SERINC3: variants seen among roughly 807,000 people sequenced by gnomAD.
SERINC3 encodes the protein serine incorporator 3.
Under a neutral mutation model 52.1 loss-of-function variants are expected in SERINC3, and 22 were observed. The ratio of observed to expected loss-of-function variants is 0.42; its 90% confidence interval spans 0.30 to 0.60. The LOEUF (loss-of-function observed/expected upper bound fraction) is 0.60. Ranked by LOEUF, SERINC3 falls within the 20% of genes least tolerant of loss-of-function variation. SERINC3 has a pLI of 0.16. For missense variants in SERINC3, 564 were observed against 584.6 expected, an observed-to-expected ratio of 0.96 and a Z score of 0.36; for synonymous variants, 226 against 212.7, an observed-to-expected ratio of 1.06 and a Z score of -0.54.
At chr20:44,506,280 T>TC (rs1354039935) in intron 6 of SERINC3, among the ~76,000 whole-genome samples, 2 of 80,012 alleles carry the variant, frequency 2.5e-5, no homozygotes, top group East Asian at 7.5e-4. Flanking sequence ...AGACTTTGTC[T>TC]CAAAAAAAAA....
At chr20:44,503,503 C>G (rs189916565) in intron 8 of SERINC3, among the ~76,000 whole-genome samples, 317 of 152,220 alleles carry the variant, frequency 2.1e-3, no homozygotes, top group Non-Finnish European at 4.0e-3. Flanking sequence ...CAAAAATTAG[C>G]CAGGCATAGT....
chr20:44,508,928 C>G (rs1292529858), intron 5 of SERINC3, among the ~76,000 whole-genome samples: 1 of 152,134 alleles, frequency 6.6e-6, no homozygotes, highest in Non-Finnish European at 1.5e-5. Flanking sequence ...TTATGGTAAA[C>G]ATAGTATTTT....
rs760368420 is a variant in SERINC3 at position 44,500,301 on chromosome 20, T to A, written c.1417A>T (p.Ser473Cys). The stretch of plus-strand genomic sequence containing the variant: ...TGTCCTTGGCACTCAGAGGTTCAGC[T>A]GAAGTCCCGACTGGTGAGGACAAGT... Reference protein sequence around the residue: ...APLVLTSRDFS With the variant: ...APLVLTSRDFC Residue 473 changes from serine to cysteine, a missense_variant, in exon 10 of 10, where the codon AGC (serine) becomes TGC (cysteine). Ser to Cys is a moderately radical substitution (Grantham distance 112). Coordinates refer to ENST00000342374, the MANE Select transcript of SERINC3 (RefSeq NM_006811.4). 2.2e-5 allele frequency: 36 copies of A among 1,611,776 alleles called. No individual in the cohort carries two copies. The highest frequency in any genetic ancestry group is 2.9e-5 in the Non-Finnish European group (34 of 1,179,112).
At chr20:44,509,586 T>C (rs1184855148) in intron 5 of SERINC3, among the ~76,000 whole-genome samples, 1 of 152,168 alleles carries the variant, frequency 6.6e-6, no homozygotes, top group Non-Finnish European at 1.5e-5. Flanking sequence ...TGCAGTACAG[T>C]GGCATGATGA....
At chr20:44,502,585 CA>C (rs1276917464) in intron 8 of SERINC3, among the ~76,000 whole-genome samples, 3,995 of 73,638 alleles carry the variant, frequency 0.054, 93 homozygotes, top group East Asian at 0.13. Flanking sequence ...TTCTTCTCTT[CA>C]AAAAAAAAAA....
rs1404895893 is a variant in SERINC3, at chr20:44,497,609, G to C, written c.*2687C>G. 2 of 152,346 alleles carry C rather than the reference G, an allele frequency of 1.3e-5. No homozygotes were observed. The highest frequency in any genetic ancestry group is 3.8e-4 in the East Asian group (2 of 5,202). The allele number at this position is 152,346 out of a possible 1,614,324, so 9.4% of individuals were successfully genotyped here. On this transcript the variant is annotated 3_prime_UTR_variant, in exon 10 of 10. Coordinates refer to ENST00000342374, the MANE Select transcript of SERINC3 (RefSeq NM_006811.4). ...GACTCCGCTACTGTAAAGAAAAGCA[G>C]GGTATCTGCTTCACACTGGCAAAAT... is the stretch of plus-strand genomic sequence containing the variant.
Position 44,511,334 on chromosome 20 carries a change from T to C in SERINC3, c.430A>G (p.Ile144Val). The change falls in exon 4 of 10, where the codon ATC (isoleucine) becomes GTC (valine). Residue 144 changes from isoleucine (I) to valine (V), a missense_variant. Ile to Val is a conservative substitution (Grantham distance 29, BLOSUM62 3). Coordinates refer to ENST00000342374, the MANE Select transcript of SERINC3 (RefSeq NM_006811.4). ...WFFKIAALIG[I>V]MVGSFYIPGG... Reference sequence around the variant, plus strand: ...GGGATGTAGAAAGAGCCAACCATGATTCCAATAAGGGCAGCAATTTTGAAG... The same window carrying C: ...GGGATGTAGAAAGAGCCAACCATGACTCCAATAAGGGCAGCAATTTTGAAG... The C allele has an allele frequency of 1.2e-6, 2 of 1,613,432 alleles. No homozygotes were observed. The highest frequency in any genetic ancestry group is 2.2e-5 in the South Asian group (2 of 91,070).
rs1426273051 is a variant in SERINC3 at position 44,514,014 on chromosome 20, T to C, written c.66A>G (p.Ser22=). ...TAGGACAGCAACTACACAGCAAACA[T>C]GAGGCACCGCTGCAGAGGCATGGAA... is the stretch of plus-strand genomic sequence containing the variant. ...SWVPCLCSGA[S]CLLCSCCPNS... is the part of the protein sequence containing the mutation. The change falls in exon 2 of 10, where the codon TCA becomes TCG. Residue 22 remains serine, a synonymous_variant. Coordinates refer to ENST00000342374, the MANE Select transcript of SERINC3 (RefSeq NM_006811.4). 5.0e-6 allele frequency: 8 copies of C among 1,614,004 alleles called. No individual in the cohort carries two copies. The Admixed American group carries it at 1.3e-4, about 27-fold the overall frequency.
chr20:44,498,136 A>G lies in SERINC3; in HGVS notation c.*2160T>C, dbSNP rs753398579. 2 of 152,124 alleles carry G rather than the reference A, an allele frequency of 1.3e-5. No individual in the cohort carries two copies. Among genetic ancestry groups the G allele is most frequent in the Non-Finnish European group, 2.9e-5 (2 of 68,036 alleles). 9.4% of individuals were successfully genotyped at this position (152,124 alleles called of 1,614,324 possible). A position where few individuals can be genotyped will look rare whatever the true frequency, so the allele number is the denominator to read the frequency against. ...CAAGCCTCTTAACCATTCTTAAGAG[A>G]CCACCTACCTCCATTCTTCTTCGAA... On this transcript the variant is annotated 3_prime_UTR_variant, in exon 10 of 10. Coordinates refer to ENST00000342374, the MANE Select transcript of SERINC3 (RefSeq NM_006811.4).
intron 1 of SERINC3, among the ~76,000 whole-genome samples, chr20:44,515,568 T>A (rs1049344101): frequency 6.6e-6 from 1 of 152,122 alleles, no homozygotes; most frequent in Non-Finnish European, 1.5e-5. Context: ...GTTTAATGGG[T>A]AAAGGATTTC....
intron 7 of SERINC3, 54 bp downstream of exon 7, chr20:44,504,747 G>C: frequency 7.0e-7 from 1 of 1,423,424 alleles, no homozygotes; most frequent in Non-Finnish European, 9.8e-7. Context: ...CTATGTAAAG[G>C]CTGATTTCCT....
intron 8 of SERINC3, among the ~76,000 whole-genome samples, chr20:44,502,443 C>G (rs1441019310): frequency 1.3e-5 from 2 of 151,684 alleles, no homozygotes; most frequent in Non-Finnish European, 2.9e-5. Context: ...ATTAGCTGGG[C>G]ATGATGGTGT....
chr20:44,508,570 A>G (rs1476498922), intron 5 of SERINC3, among the ~76,000 whole-genome samples: 2 of 152,358 alleles, frequency 1.3e-5, no homozygotes, highest in Middle Eastern at 3.4e-3. Context: ...ACTAGGGTAA[A>G]GGTTAAATAA....
At chr20:44,511,559 C>G (rs2064347838) in intron 3 of SERINC3, among the ~76,000 whole-genome samples, 191 bp from the exon 4 acceptor site, 1 of 152,120 alleles carries the variant, frequency 6.6e-6, no homozygotes, top group African/African-American at 2.4e-5. Flanking sequence ...TAAAGGACAA[C>G]ATTAGCCTAG....
intron 8 of SERINC3, among the ~76,000 whole-genome samples, chr20:44,502,620 T>C (rs977116702): frequency 3.3e-5 from 5 of 151,324 alleles, no homozygotes; most frequent in African/African-American, 1.2e-4. Flanking sequence ...AAATCAATTG[T>C]ATTTCTTTTT....
At position 44,509,919 on chromosome 20, in the gene SERINC3, T is replaced by C; in HGVS notation, c.585A>G (p.Glu195=). Reference sequence around the variant, plus strand: ...CATACCACAACCTTGGGTTTCCTTCTTCCATTCGATTTACCCATGATTCAT... The same window carrying C: ...CATACCACAACCTTGGGTTTCCTTCCTCCATTCGATTTACCCATGATTCAT... ...SWNESWVNRM[E]EGNPRLWYAA... is the part of the protein sequence containing the mutation. The change falls in exon 5 of 10, where the codon GAA becomes GAG. Residue 195 remains glutamate, a synonymous_variant. Coordinates refer to ENST00000342374, the MANE Select transcript of SERINC3 (RefSeq NM_006811.4). 1 of 1,614,170 alleles carries C rather than the reference T, an allele frequency of 6.2e-7. No individual in the cohort carries two copies. Among genetic ancestry groups the C allele is most frequent in the South Asian group, 1.1e-5 (1 of 91,076 alleles).
chr20:44,512,393 T>G (rs974974430), intron 3 of SERINC3, among the ~76,000 whole-genome samples: 1 of 139,754 alleles, frequency 7.2e-6, no homozygotes, highest in Non-Finnish European at 1.6e-5. Flanking sequence ...TCAGAAGCAA[T>G]AGAATATGTA....
chr20:44,506,106 G>C (rs1486208279), intron 6 of SERINC3, among the ~76,000 whole-genome samples: 1 of 150,774 alleles, frequency 6.6e-6, no homozygotes, highest in African/African-American at 2.4e-5. Context: ...TTCGAGACCA[G>C]CCTTGCCAAC....
At chr20:44,497,074 C>T (rs1321860837), downstream of SERINC3, among the ~76,000 whole-genome samples, 1 of 152,140 alleles carries the variant, frequency 6.6e-6, no homozygotes, top group Non-Finnish European at 1.5e-5. Context: ...TTGATGAGTT[C>T]CTAGAGCATG....
Sources: allele counts gnomAD v4.1 joint callset (sites outside exome capture counted in the v4.1 genomes callset), GRCh38; gene constraint gnomAD v4.1.1; transcripts MANE v1.5; gene names NCBI Gene and HGNC (gene_info 2026-07-23, HGNC 2026-07-21).